The following OR6B3 variants were observed in gnomAD, a reference collection of about 807,000 sequenced individuals.
OR6B3 encodes the protein olfactory receptor 6B3.
For missense variants in OR6B3, 315 were observed against 427.4 expected (o/e 0.74, Z 2.32); for synonymous variants, 148 against 187.8 (o/e 0.79, Z 1.73).
chr2:240,051,504 G>T (rs1698255145), upstream of OR6B3, among the ~76,000 whole-genome samples: 1 of 152,146 alleles, frequency 6.6e-6, no homozygotes, highest in East Asian at 1.9e-4. Flanking sequence ...TCCTACATTA[G>T]GTAAACCCTT....
At chr2:240,050,465 A>G (rs1207628689), upstream of OR6B3, among the ~76,000 whole-genome samples, 4 of 152,218 alleles carry the variant, frequency 2.6e-5, no homozygotes, top group African/African-American at 9.6e-5. Context: ...CTGTAATCCC[A>G]GCCCTTTGGG....
chr2:240,045,526 G>A, exon 2 of OR6B3: 2 of 1,603,150 alleles, frequency 1.2e-6, no homozygotes, highest in Non-Finnish European at 1.7e-6. Flanking sequence ...TTGAGGATGG[G>A]GGAAATGTCA....
At chr2:240,051,039 T>C (rs1698250431), upstream of OR6B3, among the ~76,000 whole-genome samples, 1 of 152,202 alleles carries the variant, frequency 6.6e-6, no homozygotes, top group Admixed American at 6.5e-5. Context: ...AATCATTTTT[T>C]ATGAATTAGA....
At chr2:240,049,846 A>C (rs1359639075), upstream of OR6B3, among the ~76,000 whole-genome samples, 1 of 152,156 alleles carries the variant, frequency 6.6e-6, no homozygotes, top group Non-Finnish European at 1.5e-5. Context: ...GGGAAAGGAT[A>C]AGATTGTAAT....
At chr2:240,044,968 A>G, downstream of OR6B3, 1 of 946,802 alleles carries the variant, frequency 1.1e-6, no homozygotes, top group Non-Finnish European at 1.6e-6. Flanking sequence ...AACAATACCT[A>G]TGCTATTAAC....
At chr2:240,046,402 C>T (rs1218294471) in intron 1 of OR6B3, among the ~76,000 whole-genome samples, 1 of 152,188 alleles carries the variant, frequency 6.6e-6, no homozygotes, top group Non-Finnish European at 1.5e-5. Context: ...CTCCAAGGGA[C>T]CCAATAACCA....
chr2:240,050,714 A>C (rs1413707954), upstream of OR6B3, among the ~76,000 whole-genome samples: 1 of 118,082 alleles, frequency 8.5e-6, no homozygotes, highest in African/African-American at 4.1e-5. Flanking sequence ...ACTCCGTCTC[A>C]AAGAGACAAA....
At chr2:240,052,473 TAGAG>T in the OR6B3 span, among the ~76,000 whole-genome samples, 1 of 152,122 alleles carries the variant, frequency 6.6e-6, no homozygotes. This position sits in a 1 kb window ranked among gnomAD's most constrained non-coding sequence, Gnocchi z 4.5. Context: ...TGGAACAGCA[TAGAG>T]AAAGTATAGA....
downstream of OR6B3, chr2:240,045,037 A>C: frequency 6.6e-7 from 1 of 1,511,916 alleles, no homozygotes; most frequent in Non-Finnish European, 8.9e-7. Context: ...TTTTTAAATA[A>C]ATGCGGTACT....
upstream of OR6B3, among the ~76,000 whole-genome samples, chr2:240,047,397 T>C (rs1319316313): frequency 1.3e-5 from 2 of 152,190 alleles, no homozygotes; most frequent in Admixed American, 6.5e-5. Context: ...TGGAATGGTT[T>C]CCAAGGTCTG....
In OR6B3 at chr2:240,045,943, C is replaced by A. The variant is rs369603900; in HGVS notation, c.130G>T (p.Ala44Ser). Residue 44 changes from alanine to serine, a missense_variant, in exon 2 of 2, where the codon GCC becomes TCC. Ala to Ser is a moderately conservative substitution (Grantham distance 99). Transcript: ENST00000641019. ...CTGCTCCAGACGGTGAGGATGATGG[C>A]CAGGTTCTCCACCAGGACAAAGAGG... The A allele has an allele frequency of 7.8e-6, 12 of 1,540,550 alleles. No individual in the cohort carries two copies. The highest frequency in any genetic ancestry group is 1.1e-5 in the Non-Finnish European group (12 of 1,113,980).
upstream of OR6B3, among the ~76,000 whole-genome samples, chr2:240,047,594 T>C (rs75754153): frequency 0.051 from 7,703 of 152,320 alleles, 647 homozygotes; most frequent in African/African-American, 0.18. Context: ...ACCCTTTTTC[T>C]GTGTTTTGAA....
At chr2:240,046,575 T>C (rs973182968) in intron 1 of OR6B3, among the ~76,000 whole-genome samples, 1 of 152,176 alleles carries the variant, frequency 6.6e-6, no homozygotes, top group African/African-American at 2.4e-5. Flanking sequence ...AGTGACACCA[T>C]GGCAGGGGTG....
chr2:240,051,048 G>GA (rs1349159940), upstream of OR6B3, among the ~76,000 whole-genome samples: 8 of 152,192 alleles, frequency 5.3e-5, no homozygotes, highest in African/African-American at 1.9e-4. Flanking sequence ...TTATGAATTA[G>GA]AAAAAATAAT....
At chr2:240,045,363 G>C in exon 2 of OR6B3, 1 of 1,614,224 alleles carries the variant, frequency 6.2e-7, no homozygotes, top group Non-Finnish European at 8.5e-7. Flanking sequence ...GGTGAAGAAG[G>C]CTCTCCAGCA....
upstream of OR6B3, among the ~76,000 whole-genome samples, chr2:240,047,285 G>A (rs373218087): frequency 1.7e-3 from 252 of 152,284 alleles, 6 homozygotes; most frequent in South Asian, 0.05. Context: ...GGAAGCCACC[G>A]TATTGTTCAT....
exon 2 of OR6B3, chr2:240,045,083 A>C: frequency 1.3e-6 from 2 of 1,579,866 alleles, no homozygotes; most frequent in Admixed American, 1.9e-5. Context: ...CTCCTCAGAG[A>C]GGCTGGCTGT....
At position 240,045,142 on chromosome 2, in the gene OR6B3, C is replaced by T. The variant is rs146122997; in HGVS notation, c.931G>A (p.Ala311Thr). Residue 311 changes from alanine to threonine, a missense_variant, in exon 2 of 2, where the codon GCC becomes ACC. Coordinates refer to ENST00000641019, the Ensembl canonical transcript of OR6B3. ...AGACTAGAAAGCCTCCCCTCTACGG[C>T]GCAGCTCGTCAAGCCGAAGGCTTTT... 2.8e-4 allele frequency: 455 copies of T among 1,613,970 alleles called. 1 individual carries two copies. In the African/African-American group the frequency reaches 3.3e-3, roughly 12 times the overall value.
At chr2:240,045,084 G>T (rs753379727) in exon 2 of OR6B3, 4 of 1,585,978 alleles carry the variant, frequency 2.5e-6, no homozygotes, top group African/African-American at 2.7e-5. Context: ...TCCTCAGAGA[G>T]GCTGGCTGTG....
Sources: allele counts gnomAD v4.1 joint callset (sites outside exome capture counted in the v4.1 genomes callset), GRCh38; gene constraint gnomAD v4.1.1; non-coding constraint Gnocchi (gnomAD v3.1); transcripts MANE v1.5; gene names NCBI Gene and HGNC (gene_info 2026-07-23, HGNC 2026-07-21).